The following POLR3K variants were observed in gnomAD, a reference collection of about 807,000 sequenced individuals.
POLR3K encodes RNA polymerase III subunit K, also known as DNA-directed RNA polymerase III subunit RPC10.
Under a neutral mutation model 13.5 loss-of-function variants are expected in POLR3K, and 11 were observed. The observed-to-expected ratio is 0.81, with a 90% CI of 0.51 to 1.35. POLR3K has a LOEUF of 1.35. Among genes scored for constraint, POLR3K ranks in the 40% most tolerant of loss-of-function variants. The pLI, the probability that POLR3K is intolerant of heterozygous loss-of-function variation, is 0.00. For synonymous variants in POLR3K, 56 were observed against 51.5 expected (o/e 1.09, Z -0.38); for missense variants, 144 against 145.3 (o/e 0.99, Z 0.05).
At chr16:48,735 C>T (rs995726846) in intron 2 of POLR3K, among the ~76,000 whole-genome samples, 3 of 150,724 alleles carry the variant, frequency 2.0e-5, no homozygotes, top group African/African-American at 7.4e-5. Context: ...TGCGTGAACC[C>T]GGGAGGCGGA....
rs1460545170 is a variant in POLR3K, at chr16:46,900, T to C, written c.*530A>G. ...AACATTTTCGTAGCCTGTTCAAATG[T>C]AAGTATGTAGTCTATTCTGGGATCA... On this transcript the variant is annotated 3_prime_UTR_variant, in exon 3 of 3. Transcript: ENST00000293860. The C allele has an allele frequency of 2.0e-5, 3 of 152,162 alleles. No homozygotes were observed. Among genetic ancestry groups the C allele is most frequent in the African/African-American group, 7.2e-5 (3 of 41,428 alleles). 9.4% of individuals were successfully genotyped at this position (152,162 alleles called of 1,614,324 possible).
At position 47,369 on chromosome 16, in the gene POLR3K, C is replaced by G; in HGVS notation, c.*61G>C. The stretch of plus-strand genomic sequence containing the variant: ...CAGGACACACAACTCATACTGCCAG[C>G]TAAGCATCTACCCCGAGGGACAAGG... On this transcript the variant is annotated 3_prime_UTR_variant, in exon 3 of 3. Coordinates refer to ENST00000293860, the MANE Select transcript of POLR3K (RefSeq NM_016310.5). 2 of 1,572,628 alleles carry G rather than the reference C, an allele frequency of 1.3e-6. No homozygotes were observed. The highest frequency in any genetic ancestry group is 1.7e-6 in the Non-Finnish European group (2 of 1,153,602).
intron 2 of POLR3K, among the ~76,000 whole-genome samples, chr16:48,535 G>A (rs1897303157): frequency 6.6e-6 from 1 of 152,168 alleles, no homozygotes; most frequent in South Asian, 2.1e-4. Flanking sequence ...TTAAGGGCCG[G>A]GCGCGGTGGC....
chr16:52,446 C>CAAAAAAAAA (rs767411954), intron 1 of POLR3K, among the ~76,000 whole-genome samples: 22 of 74,188 alleles, frequency 3.0e-4, no homozygotes, highest in Admixed American at 4.7e-4. Flanking sequence ...GACTCTGTCT[C>CAAAAAAAAA]AAAAAAAAAA....
chr16:52,691 G>A (rs959176985), intron 1 of POLR3K, among the ~76,000 whole-genome samples: 15 of 147,176 alleles, frequency 1.0e-4, no homozygotes, highest in African/African-American at 3.8e-4. Flanking sequence ...GCGTGAACCC[G>A]GGAGGCAGAG....
intron 1 of POLR3K, chr16:52,261 G>C (rs996916231): frequency 6.6e-6 from 1 of 150,560 alleles, no homozygotes; most frequent in African/African-American, 2.4e-5. Context: ...AGCCTGGCCA[G>C]CGCGGTGAAA....
Position 47,521 on chromosome 16 carries a change from A to C in POLR3K, c.236T>G (p.Phe79Cys), listed in dbSNP as rs1358240128. 3.1e-6 allele frequency: 5 copies of C among 1,613,536 alleles called. No individual in the cohort carries two copies. Among genetic ancestry groups the C allele is most frequent in the Non-Finnish European group, 4.2e-6 (5 of 1,179,694 alleles). Reference sequence around the variant, plus strand: ...TGCAGAGCGGGTCTGAAGCTGCATGAAGTAAGCACGAGGATGTTCGCATTT... The same window carrying C: ...TGCAGAGCGGGTCTGAAGCTGCATGCAGTAAGCACGAGGATGTTCGCATTT... The part of the protein sequence containing the change: ...CPKCEHPRAY[F>C]MQLQTRSADE... Residue 79 changes from phenylalanine (F) to cysteine (C), a missense_variant, in exon 3 of 3, where the codon TTC becomes TGC. Coordinates refer to ENST00000293860, the MANE Select transcript of POLR3K (RefSeq NM_016310.5).
intron 2 of POLR3K, 56 bp downstream of exon 2, chr16:51,502 A>G: frequency 7.0e-7 from 1 of 1,418,874 alleles, no homozygotes; most frequent in East Asian, 2.3e-5. Flanking sequence ...AAGCAGTGGC[A>G]TCAACAGCCT....
At position 47,440 on chromosome 16, in the gene POLR3K, C is replaced by A. The variant is rs753080824; in HGVS notation, c.317G>T (p.Trp106Leu). The stretch of plus-strand genomic sequence containing the variant: ...TGGGCCATCCTGGCCCTAATCCCTC[C>A]AGCGGTGTCCACACTGAGCATTGCA... ...KCCNAQCGHRWRD is the reference protein window; with the variant it reads ...KCCNAQCGHRLRD Residue 106 changes from tryptophan (W) to leucine (L), a missense_variant, in exon 3 of 3, where the codon TGG (tryptophan) becomes TTG (leucine). Transcript: ENST00000293860. 6.2e-7 allele frequency: 1 copy of A among 1,612,928 alleles called. No homozygotes were observed. The highest frequency in any genetic ancestry group is 1.3e-5 in the African/African-American group (1 of 74,902).
chr16:47,889 T>A (rs1307106927), intron 2 of POLR3K, among the ~76,000 whole-genome samples: 2 of 62,238 alleles, frequency 3.2e-5, no homozygotes, highest in African/African-American at 1.2e-4. Flanking sequence ...ATTACTATAA[T>A]ATCTTTTTTT....
At chr16:50,697 A>G (rs1187401784) in intron 2 of POLR3K, among the ~76,000 whole-genome samples, 2 of 151,944 alleles carry the variant, frequency 1.3e-5, no homozygotes, top group African/African-American at 2.4e-5. Flanking sequence ...TAATTATTTT[A>G]TCTTTAATAG....
Position 53,588 on chromosome 16 carries a change from G to A in POLR3K, c.-2C>T. ...GCAGCCGGGGCAGAACAGCAGCATG[G>A]TCTCGAACTCCGCAGGCTCCAACTC... On this transcript the variant is annotated 5_prime_UTR_variant, in exon 1 of 3. Transcript: ENST00000293860. The A allele has an allele frequency of 6.2e-7, 1 of 1,609,246 alleles. No homozygotes were observed. The highest frequency in any genetic ancestry group is 8.5e-7 in the Non-Finnish European group (1 of 1,178,070).
Position 47,368 on chromosome 16 carries a change from G to C in POLR3K, c.*62C>G, listed in dbSNP as rs1042273338. On this transcript the variant is annotated 3_prime_UTR_variant, in exon 3 of 3. Transcript: ENST00000293860. Reference sequence around the variant, plus strand: ...TCAGGACACACAACTCATACTGCCAGCTAAGCATCTACCCCGAGGGACAAG... The same window carrying C: ...TCAGGACACACAACTCATACTGCCACCTAAGCATCTACCCCGAGGGACAAG... 1.3e-6 allele frequency: 2 copies of C among 1,570,698 alleles called. No individual in the cohort carries two copies. Among genetic ancestry groups the C allele is most frequent in the African/African-American group, 2.7e-5 (2 of 73,746 alleles).
chr16:49,438 C>T (rs145994794), intron 2 of POLR3K, among the ~76,000 whole-genome samples: 2 of 151,666 alleles, frequency 1.3e-5, no homozygotes, highest in Non-Finnish European at 2.9e-5. Context: ...GAAACTTATC[C>T]TACACCTGAC....
chr16:51,251 T>A (rs1750707934), intron 2 of POLR3K, among the ~76,000 whole-genome samples: 3 of 152,168 alleles, frequency 2.0e-5, no homozygotes, highest in Non-Finnish European at 4.4e-5. Flanking sequence ...ATAATTCACT[T>A]TATGCTCTCG....
intron 2 of POLR3K, 26 bp downstream of exon 2, chr16:51,532 G>C (rs1187522440): frequency 1.9e-6 from 3 of 1,582,028 alleles, no homozygotes; most frequent in Admixed American, 3.3e-5. Flanking sequence ...CCACAGTTTA[G>C]CAACAGAAAC....
rs377276052 is a variant in POLR3K at position 53,595 on chromosome 16, A to T, written c.-9T>A. 2 of 1,606,236 alleles carry T rather than the reference A, an allele frequency of 1.2e-6. No homozygotes were observed. The highest frequency in any genetic ancestry group is 3.4e-5 in the Admixed American group (2 of 58,900). On this transcript the variant is annotated 5_prime_UTR_variant, in exon 1 of 3. Coordinates refer to ENST00000293860, the MANE Select transcript of POLR3K (RefSeq NM_016310.5). ...GGGCAGAACAGCAGCATGGTCTCGA[A>T]CTCCGCAGGCTCCAACTCCCGGCAG...
chr16:51,974 C>G (rs1021900466), intron 1 of POLR3K: 17 of 194,250 alleles, frequency 8.8e-5, no homozygotes, highest in Middle Eastern at 2.1e-3. Flanking sequence ...GAGCCGAGAT[C>G]ACACCACTGC....
chr16:53,347 G>T, intron 1 of POLR3K, 129 bp downstream of exon 1: 1 of 1,433,254 alleles, frequency 7.0e-7, no homozygotes, highest in South Asian at 1.5e-5. Context: ...ATCTGCTGCA[G>T]ACCAGAAAGG....
Sources: allele counts gnomAD v4.1 joint callset (sites outside exome capture counted in the v4.1 genomes callset), GRCh38; gene constraint gnomAD v4.1.1; transcripts MANE v1.5; gene names NCBI Gene and HGNC (gene_info 2026-07-23, HGNC 2026-07-21).